Variants in PDGFD observed in about 807,000 individuals in gnomAD.
PDGFD encodes the protein platelet derived growth factor D.
PDGFD carries 30 observed loss-of-function variants against 44.7 expected under a neutral mutation model. That is an observed-to-expected ratio of 0.67 (90% CI 0.50 to 0.91). The LOEUF is 0.91. PDGFD is among the 40% of genes least tolerant of loss of function. The pLI is 0.00. For missense variants in PDGFD, 445 were observed against 457.8 expected, an observed-to-expected ratio of 0.97 and a Z score of 0.25; for synonymous variants, 173 against 168.4, an observed-to-expected ratio of 1.03 and a Z score of -0.21.
intron 1 of PDGFD, among the ~76,000 whole-genome samples, chr11:104,047,402 G>A (rs1860460566): frequency 6.8e-6 from 1 of 147,208 alleles, no homozygotes; most frequent in Non-Finnish European, 1.5e-5. Context: ...TCCAGCATCT[G>A]TGGTTTCCTG....
chr11:104,008,480 AT>A (rs1859736634), intron 1 of PDGFD, among the ~76,000 whole-genome samples: 1 of 152,144 alleles, frequency 6.6e-6, no homozygotes, highest in South Asian at 2.1e-4. Flanking sequence ...AAAAATCTCT[AT>A]TTCTTTTCAA....
chr11:103,967,503 C>T (rs956945259), intron 3 of PDGFD, among the ~76,000 whole-genome samples: 8 of 152,184 alleles, frequency 5.3e-5, no homozygotes, highest in Non-Finnish European at 1.0e-4. Flanking sequence ...TCTCTCTCTT[C>T]GATCTCACTG....
intron 1 of PDGFD, among the ~76,000 whole-genome samples, chr11:104,020,015 T>A (rs921612415): frequency 6.6e-6 from 1 of 152,122 alleles, no homozygotes; most frequent in African/African-American, 2.4e-5. Context: ...AGTCTACAAA[T>A]GTCATTAAGC....
intron 1 of PDGFD, among the ~76,000 whole-genome samples, chr11:104,022,903 A>G (rs1232621808): frequency 6.6e-6 from 1 of 152,098 alleles, no homozygotes; most frequent in Non-Finnish European, 1.5e-5. Flanking sequence ...GTAACTATAA[A>G]AAATATAAAA....
intron 1 of PDGFD, among the ~76,000 whole-genome samples, chr11:104,024,025 T>C (rs1186668545): frequency 6.6e-6 from 1 of 152,158 alleles, no homozygotes. Context: ...CAGCCTCTTA[T>C]AAACTTAAAC....
At chr11:104,096,354 G>C (rs1392615017) in intron 1 of PDGFD, among the ~76,000 whole-genome samples, 2 of 151,980 alleles carry the variant, frequency 1.3e-5, no homozygotes, top group African/African-American at 4.8e-5. Context: ...ACAGCAAATA[G>C]GGAGCATGGC....
At chr11:104,038,056 C>A in intron 1 of PDGFD, 1 of 1,535,710 alleles carries the variant, frequency 6.5e-7, no homozygotes. Flanking sequence ...AGCCTCAGGT[C>A]CCCGGCAATT....
chr11:103,925,679 GTATA>G (rs367755559), intron 6 of PDGFD, among the ~76,000 whole-genome samples: 241 of 119,782 alleles, frequency 2.0e-3, no homozygotes, highest in African/African-American at 6.6e-3. Context: ...GTGTGTCTGT[GTATA>G]TATATATATA....
At chr11:104,109,316 G>A (rs2134451606) in intron 1 of PDGFD, among the ~76,000 whole-genome samples, 1 of 152,230 alleles carries the variant, frequency 6.6e-6, no homozygotes, top group African/African-American at 2.4e-5. Context: ...TATTCGAGAT[G>A]TTTCTTTACT....
intron 1 of PDGFD, among the ~76,000 whole-genome samples, chr11:104,160,009 A>G (rs1454551281): frequency 6.6e-6 from 1 of 152,252 alleles, no homozygotes; most frequent in East Asian, 1.9e-4. Context: ...AACAAAAAAT[A>G]CACAGAAGAG....
intron 1 of PDGFD, among the ~76,000 whole-genome samples, chr11:104,028,833 G>A (rs1860084884): frequency 6.6e-6 from 1 of 151,806 alleles, no homozygotes; most frequent in African/African-American, 2.4e-5. Flanking sequence ...AGAGTTGCCT[G>A]AGAGATTTCA....
intron 1 of PDGFD, among the ~76,000 whole-genome samples, chr11:104,123,612 G>A (rs1432144814): frequency 5.3e-5 from 8 of 152,024 alleles, no homozygotes; most frequent in Admixed American, 2.6e-4. Context: ...AATTAAATAT[G>A]TTTAAAGTGG....
intron 5 of PDGFD, among the ~76,000 whole-genome samples, chr11:103,938,729 G>A (rs1414758030): frequency 1.3e-5 from 2 of 152,136 alleles, no homozygotes; most frequent in Non-Finnish European, 2.9e-5. Context: ...ATTAATTTTT[G>A]TATAAGGTGT....
chr11:104,107,270 C>G (rs1417819605), intron 1 of PDGFD, among the ~76,000 whole-genome samples: 1 of 152,156 alleles, frequency 6.6e-6, no homozygotes, highest in African/African-American at 2.4e-5. Context: ...CAAGGATACT[C>G]TCTTGTTAGT....
chr11:103,925,753 G>C (rs1173842407), intron 6 of PDGFD, among the ~76,000 whole-genome samples: 3 of 139,436 alleles, frequency 2.2e-5, no homozygotes, highest in East Asian at 2.1e-4. Flanking sequence ...TTTTTTTTGA[G>C]ATGGAGTTTC....
At chr11:103,955,312 A>G (rs1858826671) in intron 3 of PDGFD, among the ~76,000 whole-genome samples, 1 of 151,972 alleles carries the variant, frequency 6.6e-6, no homozygotes, top group Non-Finnish European at 1.5e-5. Context: ...AAATCCAAAT[A>G]AAGCCAAACT....
intron 3 of PDGFD, among the ~76,000 whole-genome samples, chr11:103,994,720 G>T (rs1859509946): frequency 1.3e-5 from 2 of 152,008 alleles, no homozygotes; most frequent in Admixed American, 1.3e-4. Flanking sequence ...CCGAAAGAAA[G>T]TGAAAATTGA....
chr11:104,008,680 A>G (rs1032807715), intron 1 of PDGFD, among the ~76,000 whole-genome samples: 6 of 152,264 alleles, frequency 3.9e-5, no homozygotes, highest in Middle Eastern at 3.4e-3. Flanking sequence ...GAAGATACTC[A>G]AAAGTGCTGT....
chr11:104,046,426 C>G (rs1860443234), intron 1 of PDGFD, among the ~76,000 whole-genome samples: 1 of 147,652 alleles, frequency 6.8e-6, no homozygotes, highest in Non-Finnish European at 1.5e-5. Context: ...TAGAATAAAA[C>G]AGAAACAATG....
Sources: allele counts gnomAD v4.1 joint callset (sites outside exome capture counted in the v4.1 genomes callset), GRCh38; gene constraint gnomAD v4.1.1; transcripts MANE v1.5; gene names NCBI Gene and HGNC (gene_info 2026-07-23, HGNC 2026-07-21).